Variants in CENPP observed in about 807,000 individuals in gnomAD.
CENPP encodes centromere protein P.
CENPP carries 24 observed loss-of-function variants against 35.6 expected under a neutral mutation model. That is an observed-to-expected ratio of 0.67 (90% CI 0.49 to 0.95). The LOEUF is 0.95. Ranked by LOEUF, CENPP falls within the 40% of genes least tolerant of loss-of-function variation. The pLI, the probability that CENPP is intolerant of heterozygous loss-of-function variation, is 0.00. For synonymous variants in CENPP, 120 were observed against 125.5 expected (o/e 0.96, Z 0.29); for missense variants, 332 against 345.3 (o/e 0.96, Z 0.31).
intron 4 of CENPP, among the ~76,000 whole-genome samples, chr9:92,346,465 T>G (rs1284333840): frequency 6.6e-6 from 1 of 152,112 alleles, no homozygotes; most frequent in Non-Finnish European, 1.5e-5. Context: ...CAGTGACAGG[T>G]GGAGGCAAGA....
intron 5 of CENPP, among the ~76,000 whole-genome samples, chr9:92,544,606 C>G (rs2131314156): frequency 6.7e-6 from 1 of 149,896 alleles, no homozygotes; most frequent in African/African-American, 2.4e-5. Flanking sequence ...CAAAGTTGTT[C>G]TTTAAAAAAC....
chr9:92,336,307 C>G lies in CENPP; in HGVS notation c.290-1234C>G, dbSNP rs141073721. 6.6e-4 allele frequency among the ~76,000 whole-genome samples: 101 copies of G among 152,226 alleles called. 1 individual carries two copies. The highest frequency in any genetic ancestry group is 2.3e-3 in the African/African-American group (97 of 41,544). On this transcript the variant is annotated intron_variant, in intron 2 of 7. Transcript: ENST00000375587. ...GTACCATTCTGTCTTTTTTTCCTAACTACTTATTGAACAAATCTTTAACCA... is the reference window on the plus strand; with the variant it reads ...GTACCATTCTGTCTTTTTTTCCTAAGTACTTATTGAACAAATCTTTAACCA...
At chr9:92,374,279 GTGTA>G (rs1249910506) in intron 4 of CENPP, among the ~76,000 whole-genome samples, 97 of 150,880 alleles carry the variant, frequency 6.4e-4, no homozygotes, top group Admixed American at 1.3e-3. Context: ...GTGTGTGTGT[GTGTA>G]TGTGAACCCC....
chr9:92,533,175 G>T (rs898264993), intron 5 of CENPP, among the ~76,000 whole-genome samples: 2 of 149,796 alleles, frequency 1.3e-5, no homozygotes, highest in African/African-American at 4.9e-5. Flanking sequence ...TGGCACGCGC[G>T]TGTAGTCCCA....
At chr9:92,456,394 G>A (rs963979229) in intron 5 of CENPP, 3 of 152,362 alleles carry the variant, frequency 2.0e-5, no homozygotes, top group Admixed American at 1.3e-4. Context: ...CAGTCCATAC[G>A]TATTTGAAGA....
chr9:92,529,317 G>C (rs964320989), intron 5 of CENPP, among the ~76,000 whole-genome samples: 1 of 152,226 alleles, frequency 6.6e-6, no homozygotes, highest in Non-Finnish European at 1.5e-5. Context: ...CAGTGCTGGT[G>C]AGTGTGTGGA....
At chr9:92,479,022 A>G (rs978511062) in intron 5 of CENPP, among the ~76,000 whole-genome samples, 2 of 152,134 alleles carry the variant, frequency 1.3e-5, no homozygotes, top group African/African-American at 4.8e-5. Context: ...GGTTTCCCAG[A>G]TGCCTTCAGC....
intron 5 of CENPP, chr9:92,415,004 G>C (rs1210232808): frequency 1.8e-6 from 1 of 548,236 alleles, no homozygotes; most frequent in African/African-American, 1.9e-5. Context: ...AAATGATGCA[G>C]ATGTCACCAA....
intron 4 of CENPP, among the ~76,000 whole-genome samples, chr9:92,359,009 G>A (rs1374536641): frequency 6.7e-6 from 1 of 148,888 alleles, no homozygotes; most frequent in Non-Finnish European, 1.5e-5. Flanking sequence ...GAGTGTAATG[G>A]CATGATCTGG....
rs1383529766 is a variant in CENPP, at chr9:92,614,199, C to T, written c.*1050C>T. 1 of 152,504 alleles carries T rather than the reference C, an allele frequency of 6.6e-6. No individual in the cohort carries two copies. Among genetic ancestry groups the T allele is most frequent in the East Asian group, 1.9e-4 (1 of 5,198 alleles). 9.4% of individuals were successfully genotyped at this position (152,504 alleles called of 1,614,324 possible). A position where few individuals can be genotyped will look rare whatever the true frequency, so the allele number is the denominator to read the frequency against. ...CCCACCTTCCCACGGACTGGGGTTC[C>T]CTCACATGTGCACTTGAACCCAGGA... On this transcript the variant is annotated 3_prime_UTR_variant, in exon 8 of 8. Transcript: ENST00000375587.
chr9:92,462,901 G>A (rs541978076), intron 5 of CENPP, among the ~76,000 whole-genome samples: 54 of 152,302 alleles, frequency 3.5e-4, no homozygotes, highest in Non-Finnish European at 7.4e-4. Flanking sequence ...ACGTGCCAGC[G>A]AATCTAGAAT....
chr9:92,384,427 C>T (rs754549894), intron 5 of CENPP: 2 of 152,130 alleles, frequency 1.3e-5, no homozygotes, highest in Admixed American at 6.5e-5. Flanking sequence ...AGTCCGGACT[C>T]ATGTTTCTAA....
intron 5 of CENPP, among the ~76,000 whole-genome samples, chr9:92,416,264 T>C (rs965584105): frequency 6.6e-6 from 1 of 151,668 alleles, no homozygotes; most frequent in African/African-American, 2.4e-5. Flanking sequence ...CATGCCTGGC[T>C]AATTTTTCTA....
chr9:92,589,273 G>A (rs1286244278), intron 5 of CENPP, among the ~76,000 whole-genome samples: 1 of 151,826 alleles, frequency 6.6e-6, no homozygotes, highest in African/African-American at 2.4e-5. Flanking sequence ...TTGAACCCCA[G>A]AGGCGGAGGT....
intron 5 of CENPP, among the ~76,000 whole-genome samples, chr9:92,392,667 A>G (rs1842736181): frequency 6.6e-6 from 1 of 152,138 alleles, no homozygotes; most frequent in Non-Finnish European, 1.5e-5. Flanking sequence ...TATTTTTAAT[A>G]TGCAGCCAGG....
intron 5 of CENPP, among the ~76,000 whole-genome samples, chr9:92,534,916 C>T (rs965589324): frequency 2.6e-5 from 4 of 152,152 alleles, no homozygotes; most frequent in Non-Finnish European, 5.9e-5. Flanking sequence ...GACCTCGAGG[C>T]TCTAGAGTTA....
chr9:92,557,864 C>T (rs574107944), intron 5 of CENPP, among the ~76,000 whole-genome samples: 30 of 152,152 alleles, frequency 2.0e-4, no homozygotes, highest in African/African-American at 6.7e-4. Context: ...AGGATGGTCT[C>T]GATCTCCTGA....
intron 5 of CENPP, among the ~76,000 whole-genome samples, chr9:92,431,006 G>C (rs1227566031): frequency 6.6e-6 from 1 of 151,928 alleles, no homozygotes; most frequent in African/African-American, 2.4e-5. Flanking sequence ...ATGTCGGCCA[G>C]GATGGTCTCG....
At chr9:92,382,893 T>TC (rs1491094637) in intron 5 of CENPP, among the ~76,000 whole-genome samples, 8 of 26,654 alleles carry the variant, frequency 3.0e-4, no homozygotes, top group African/African-American at 5.3e-4. Context: ...ACTGTTTTCC[T>TC]TTTTTTTTTT....
Sources: allele counts gnomAD v4.1 joint callset (sites outside exome capture counted in the v4.1 genomes callset), GRCh38; gene constraint gnomAD v4.1.1; transcripts MANE v1.5; gene names NCBI Gene and HGNC (gene_info 2026-07-23, HGNC 2026-07-21).